Variants in FRMD6 observed in about 807,000 individuals in gnomAD.
FRMD6 encodes the protein FERM domain containing 6.
FRMD6 carries 37 observed loss-of-function variants against 73.2 expected under a neutral mutation model. The observed-to-expected ratio is 0.51, with a 90% confidence interval of 0.39 to 0.66. The LOEUF (loss-of-function observed/expected upper bound fraction) is 0.66, where lower values mean the gene tolerates loss of function less well. Among genes scored for constraint, FRMD6 ranks in the 30% least tolerant of loss-of-function variants. The pLI is 0.00. For missense variants in FRMD6, 714 were observed against 780.5 expected (o/e 0.91, Z 1.02); for synonymous variants, 273 against 282.2 (o/e 0.97, Z 0.33).
the FRMD6 span, among the ~76,000 whole-genome samples, chr14:51,477,558 T>G: frequency 6.6e-6 from 1 of 152,120 alleles, no homozygotes; most frequent in African/African-American, 2.4e-5. Context: ...GCCTTGAATA[T>G]GATTATAAAA....
chr14:51,550,299 T>G (rs1002512344), intron 1 of FRMD6, among the ~76,000 whole-genome samples: 5 of 152,140 alleles, frequency 3.3e-5, no homozygotes, highest in Admixed American at 6.5e-5. Context: ...AGTACTGGGG[T>G]GCAATCATGG....
the FRMD6 span, among the ~76,000 whole-genome samples, chr14:51,445,578 T>G: frequency 4.0e-3 from 609 of 152,148 alleles, 4 homozygotes; most frequent in African/African-American, 0.014. Context: ...TTGAGGAAAC[T>G]GAGGTCCAAA....
chr14:51,529,176 T>C (rs1253893069), intron 1 of FRMD6, among the ~76,000 whole-genome samples: 1 of 152,258 alleles, frequency 6.6e-6, no homozygotes, highest in Non-Finnish European at 1.5e-5. Context: ...AAACACTTTA[T>C]AGTGTCTGAA....
chr14:51,473,852 G>A, the FRMD6 span, among the ~76,000 whole-genome samples: 1 of 148,564 alleles, frequency 6.7e-6, no homozygotes, highest in Admixed American at 6.7e-5. Context: ...ATCCCAAGAT[G>A]TATTAAAATC....
At chr14:51,598,478 C>T (rs1306173378) in intron 2 of FRMD6, among the ~76,000 whole-genome samples, 4 of 152,082 alleles carry the variant, frequency 2.6e-5, no homozygotes, top group African/African-American at 9.7e-5. Flanking sequence ...TTGTGTGATG[C>T]TAAGGTTTGA....
At chr14:51,446,284 C>G in the FRMD6 span, among the ~76,000 whole-genome samples, 3 of 152,146 alleles carry the variant, frequency 2.0e-5, no homozygotes, top group African/African-American at 7.2e-5. Flanking sequence ...TGTGTTCTGG[C>G]TTCTCCTTTT....
chr14:51,669,819 T>A (rs912660249), intron 1 of FRMD6, among the ~76,000 whole-genome samples: 2 of 150,728 alleles, frequency 1.3e-5, no homozygotes, highest in Non-Finnish European at 2.9e-5. Context: ...TGTCATTTTT[T>A]AAGTGACTTT....
chr14:51,498,456 T>C (rs909290588), intron 1 of FRMD6, among the ~76,000 whole-genome samples: 2 of 152,168 alleles, frequency 1.3e-5, no homozygotes, highest in African/African-American at 4.8e-5. Flanking sequence ...ATTCCGACGC[T>C]TAGTGACTTA....
At chr14:51,410,392 C>T in the FRMD6 span, among the ~76,000 whole-genome samples, 1 of 152,126 alleles carries the variant, frequency 6.6e-6, no homozygotes, top group African/African-American at 2.4e-5. Context: ...TATGGAGAAA[C>T]CATGGATCCT....
Position 51,579,965 on chromosome 14 carries a change from C to T in FRMD6, c.-147+9555C>T, listed in dbSNP as rs77020765. ...CAGAGCTCCACTGTTACCCATGAAA[C>T]GTTCTGGGGACTCACATATCCCCCA... is the stretch of plus-strand genomic sequence containing the variant. On this transcript the variant is annotated intron_variant, in intron 2 of 14. Transcript: ENST00000356218. 4.0e-3 allele frequency among the ~76,000 whole-genome samples: 616 copies of T among 152,270 alleles called. 3 individuals carry two copies. The highest frequency in any genetic ancestry group is 0.013 in the African/African-American group (530 of 41,554).
chr14:51,525,043 G>GAA (rs1885156877), intron 1 of FRMD6, among the ~76,000 whole-genome samples: 1 of 140,666 alleles, frequency 7.1e-6, no homozygotes, highest in Non-Finnish European at 1.5e-5. Flanking sequence ...GAGAGAAAGA[G>GAA]AGAGAGAGAG....
At chr14:51,716,471 C>T (rs1236593265) in intron 10 of FRMD6, among the ~76,000 whole-genome samples, 1 of 152,126 alleles carries the variant, frequency 6.6e-6, no homozygotes, top group Non-Finnish European at 1.5e-5. Context: ...ATGTCTGAGA[C>T]AAGTTTTGAC....
chr14:51,710,155 C>T (rs546061108), intron 7 of FRMD6, among the ~76,000 whole-genome samples: 9 of 152,186 alleles, frequency 5.9e-5, no homozygotes, highest in East Asian at 3.9e-4. Flanking sequence ...TAAAGTATGG[C>T]GCTTCTGAAT....
chr14:51,576,895 G>A (rs886094359), intron 2 of FRMD6, among the ~76,000 whole-genome samples: 1 of 152,176 alleles, frequency 6.6e-6, no homozygotes, highest in African/African-American at 2.4e-5. Flanking sequence ...CTCTCTTTGA[G>A]CCTCTCCTGT....
chr14:51,501,237 T>C (rs1278208194), intron 1 of FRMD6, among the ~76,000 whole-genome samples: 1 of 152,190 alleles, frequency 6.6e-6, no homozygotes, highest in Non-Finnish European at 1.5e-5. Context: ...AGTTCAGAAG[T>C]ACTTGTGCAG....
intron 2 of FRMD6, among the ~76,000 whole-genome samples, chr14:51,582,169 A>G (rs1888762679): frequency 6.6e-6 from 1 of 152,164 alleles, no homozygotes; most frequent in African/African-American, 2.4e-5. Flanking sequence ...CATACTCCCT[A>G]GTGTTCTACA....
At chr14:51,522,036 TCATTTAAAATGTAC>T (rs1463175948) in intron 1 of FRMD6, among the ~76,000 whole-genome samples, 2 of 152,186 alleles carry the variant, frequency 1.3e-5, no homozygotes, top group Non-Finnish European at 2.9e-5. Context: ...AGTGTAGTAA[TCATTTAAAATGTAC>T]CAGGATTAAA....
chr14:51,567,692 TC>T (rs1163287564), intron 1 of FRMD6, among the ~76,000 whole-genome samples: 2 of 152,206 alleles, frequency 1.3e-5, no homozygotes, highest in East Asian at 3.8e-4. Flanking sequence ...CTTAATCACA[TC>T]CTTCTTAAAG....
chr14:51,431,693 C>T, the FRMD6 span, among the ~76,000 whole-genome samples: 2 of 152,280 alleles, frequency 1.3e-5, no homozygotes, highest in Admixed American at 6.5e-5. Context: ...ATAGACTCCC[C>T]TTAGCTATTT....
Sources: allele counts gnomAD v4.1 joint callset (sites outside exome capture counted in the v4.1 genomes callset), GRCh38; gene constraint gnomAD v4.1.1; transcripts MANE v1.5; gene names NCBI Gene and HGNC (gene_info 2026-07-23, HGNC 2026-07-21).